HPS4: variants seen among roughly 807,000 people sequenced by gnomAD.
HPS4 encodes the protein BLOC-3 complex member HPS4.
HPS4 carries 44 observed loss-of-function variants against 70.3 expected under a neutral mutation model. The ratio of observed to expected loss-of-function variants is 0.63; its 90% CI spans 0.49 to 0.80. HPS4 has a LOEUF of 0.80. Among genes scored for constraint, HPS4 ranks in the 30% least tolerant of loss-of-function variants. The pLI, the probability that HPS4 is intolerant of heterozygous loss-of-function variation, is 0.00. For missense variants in HPS4, 873 were observed against 884.4 expected, an observed-to-expected ratio of 0.99 and a Z score of 0.16; for synonymous variants, 377 against 355.9, an observed-to-expected ratio of 1.06 and a Z score of -0.67.
downstream of HPS4, among the ~76,000 whole-genome samples, chr22:26,447,690 A>G (rs1412271216): frequency 6.6e-6 from 1 of 152,154 alleles, no homozygotes; most frequent in African/African-American, 2.4e-5. Context: ...CACAGGGAAC[A>G]GGACAGAATA....
intron 13 of HPS4, among the ~76,000 whole-genome samples, chr22:26,456,303 C>A (rs1026344803): frequency 6.6e-6 from 1 of 152,236 alleles, no homozygotes; most frequent in African/African-American, 2.4e-5. Flanking sequence ...AAGAATATAA[C>A]CCTGGGCAAG....
chr22:26,447,588 C>G (rs1171472287), downstream of HPS4, among the ~76,000 whole-genome samples: 1 of 152,114 alleles, frequency 6.6e-6, no homozygotes, highest in Non-Finnish European at 1.5e-5. Flanking sequence ...AGGCTAAGCA[C>G]AGAATGAGGT....
At chr22:26,460,372 GAT>G (rs1491445404) in intron 11 of HPS4, among the ~76,000 whole-genome samples, 2 of 152,252 alleles carry the variant, frequency 1.3e-5, no homozygotes, top group Admixed American at 6.5e-5. Context: ...TATTTGAACA[GAT>G]GTGTGTGTGT....
chr22:26,454,567 C>T (rs896914842), intron 13 of HPS4, among the ~76,000 whole-genome samples: 1 of 152,114 alleles, frequency 6.6e-6, no homozygotes, highest in Non-Finnish European at 1.5e-5. Context: ...TTACACCTTA[C>T]ACAAAAATTA....
At chr22:26,475,942 C>G (rs1446308338) in intron 4 of HPS4, 5 of 152,032 alleles carry the variant, frequency 3.3e-5, no homozygotes, top group African/African-American at 7.3e-5. Context: ...ACTCAGGAGG[C>G]TGAGATGGGA....
In HPS4 at chr22:26,468,538, G is replaced by A. The variant is rs772529619; in HGVS notation, c.669+13C>T. 6 of 1,611,998 alleles carry A rather than the reference G, an allele frequency of 3.7e-6. No homozygotes were observed. The highest frequency in any genetic ancestry group is 4.2e-6 in the Non-Finnish European group (5 of 1,178,536). On this transcript the variant is annotated intron_variant, in intron 8 of 13. Coordinates refer to ENST00000398145, the MANE Select transcript of HPS4 (RefSeq NM_022081.6). ...GGGATGCTGTCCAGCCAGGTGGGTGGACTTTACAATACCTGCTCCTGAGGT... is the reference window on the plus strand; with the variant it reads ...GGGATGCTGTCCAGCCAGGTGGGTGAACTTTACAATACCTGCTCCTGAGGT...
At chr22:26,483,453 C>A (rs542416436) in intron 1 of HPS4, among the ~76,000 whole-genome samples, 1 of 152,360 alleles carries the variant, frequency 6.6e-6, no homozygotes, top group East Asian at 1.9e-4. Context: ...GGCTGGAAAA[C>A]GGACGCTAAT....
chr22:26,453,118 GT>G lies in HPS4; in HGVS notation c.*114del. 9.0e-7 allele frequency: 1 copy of G among 1,116,084 alleles called. No homozygotes were observed. Among genetic ancestry groups the G allele is most frequent in the Non-Finnish European group, 1.3e-6 (1 of 758,180 alleles). The allele number at this position is 1,116,084 out of a possible 1,614,324, so 69.1% of individuals were successfully genotyped here. On this transcript the variant is annotated 3_prime_UTR_variant, in exon 14 of 14. Coordinates refer to ENST00000398145, the MANE Select transcript of HPS4 (RefSeq NM_022081.6). ...ATAACAAAAACTCAAATATCATTTG[GT>G]TCCTAAAAAAGGGAATGTTTTCAAG...
intron 3 of HPS4, among the ~76,000 whole-genome samples, chr22:26,478,611 T>G (rs912785523): frequency 1.3e-5 from 2 of 151,808 alleles, no homozygotes; most frequent in African/African-American, 4.8e-5. Flanking sequence ...TTGATAATTG[T>G]TGAAGCTACT....
chr22:26,472,385 C>A lies in HPS4; in HGVS notation c.418G>T (p.Asp140Tyr). 3 of 1,612,966 alleles carry A rather than the reference C, an allele frequency of 1.9e-6. No individual in the cohort carries two copies. The highest frequency in any genetic ancestry group is 1.7e-6 in the Non-Finnish European group (2 of 1,178,926). Residue 140 changes from aspartate to tyrosine, a missense_variant, in exon 6 of 14, where the codon GAC becomes TAC. Transcript: ENST00000398145. ...TTCAGAATTTGCTCGATGAAGGTGT[C>A]CCACTCCGTGCTCAGTTCTTCCTGA... ...CSQEELSTEW[D>Y]TFIEQILKNT...
At chr22:26,443,302 C>A (rs1236280460), downstream of HPS4, 4 of 979,758 alleles carry the variant, frequency 4.1e-6, no homozygotes, top group South Asian at 1.4e-5. Context: ...TTTCCATGCT[C>A]AGAAACCTGC....
Position 26,451,565 on chromosome 22 carries a change from T to C in HPS4, c.*1668A>G, listed in dbSNP as rs2085190789. The C allele has an allele frequency of 6.6e-6, 1 of 152,220 alleles. No homozygotes were observed. Among genetic ancestry groups the C allele is most frequent in the Non-Finnish European group, 1.5e-5 (1 of 68,060 alleles). 9.4% of individuals were successfully genotyped at this position (152,220 alleles called of 1,614,324 possible). Reference sequence around the variant, plus strand: ...CACGGATAGGCTTTGTACGGTTCCATTTTGGGTCAGTGGAAGAATTTTCAC... The same window carrying C: ...CACGGATAGGCTTTGTACGGTTCCACTTTGGGTCAGTGGAAGAATTTTCAC... On this transcript the variant is annotated 3_prime_UTR_variant, in exon 14 of 14. Transcript: ENST00000398145.
intron 1 of HPS4, chr22:26,482,911 G>GT (rs748412009): frequency 3.9e-5 from 6 of 152,194 alleles, no homozygotes; most frequent in Non-Finnish European, 8.8e-5. Context: ...ATTCTTCCAT[G>GT]TGACAACCTC....
At chr22:26,466,327 G>C (rs757308287) in intron 8 of HPS4, 65 bp from the exon 9 acceptor site, 65 of 1,567,888 alleles carry the variant, frequency 4.1e-5, no homozygotes, top group Non-Finnish European at 5.4e-5. Context: ...CTAACCATCA[G>C]GAATTTGCTG....
chr22:26,472,281 T>G (rs1569102253), intron 6 of HPS4, 21 bp downstream of exon 6: 1 of 1,346,400 alleles, frequency 7.4e-7, no homozygotes, highest in African/African-American at 1.4e-5. Context: ...ATAAAATGAA[T>G]AAGGAGGATG....
chr22:26,479,514 G>C, intron 2 of HPS4, 159 bp from the exon 3 acceptor site: 1 of 1,441,208 alleles, frequency 6.9e-7, no homozygotes, highest in Non-Finnish European at 9.1e-7. Flanking sequence ...CTACAAATTA[G>C]ATAAAACCAT....
chr22:26,454,457 T>G (rs2085728336), intron 13 of HPS4, among the ~76,000 whole-genome samples: 1 of 152,226 alleles, frequency 6.6e-6, no homozygotes, highest in African/African-American at 2.4e-5. Flanking sequence ...TTTGTTTTGT[T>G]TTGTTTTAAA....
chr22:26,483,816 C>A (rs1050650077), upstream of HPS4: 88 of 1,181,208 alleles, frequency 7.4e-5, no homozygotes, highest in Non-Finnish European at 8.6e-5. Flanking sequence ...GCCTACCTCC[C>A]CCTCCAGCTC....
downstream of HPS4, among the ~76,000 whole-genome samples, chr22:26,449,298 GA>G (rs1476983324): frequency 6.8e-6 from 1 of 147,180 alleles, no homozygotes; most frequent in Non-Finnish European, 1.5e-5. Context: ...TTCCTCATGA[GA>G]ACCAGCTCCA....
Sources: gnomAD v4.1 joint callset for allele counts (sites outside exome capture counted in the v4.1 genomes callset) on GRCh38, gnomAD v4.1.1 for gene constraint, MANE v1.5 for transcripts, NCBI Gene and HGNC (gene_info 2026-07-23, HGNC 2026-07-21) for gene names.